Variants in DIS3L2 observed in about 807,000 individuals in gnomAD.
The protein encoded by DIS3L2 is DIS3 like 3'-5' exoribonuclease 2.
A neutral mutation model predicts 97.5 loss-of-function variants in DIS3L2; 34 were observed. That is an observed-to-expected ratio of 0.35 (90% CI 0.27 to 0.46). The LOEUF is 0.46. Ranked by LOEUF, DIS3L2 falls within the 20% of genes least tolerant of loss-of-function variation. The probability of loss-of-function intolerance (pLI) is 1.00; values close to 1 mark genes in which losing one functional copy is unlikely to be tolerated. For missense variants in DIS3L2, 1,038 were observed against 1,146.0 expected, an observed-to-expected ratio of 0.91 and a Z score of 1.36; for synonymous variants, 435 against 445.2, an observed-to-expected ratio of 0.98 and a Z score of 0.29.
chr2:232,055,986 A>G (rs912864893), intron 5 of DIS3L2, among the ~76,000 whole-genome samples: 3 of 152,206 alleles, frequency 2.0e-5, no homozygotes, highest in African/African-American at 7.2e-5. Flanking sequence ...TAAAATAACT[A>G]AATGTGAAAG....
At chr2:232,291,999 C>T (rs951141266) in intron 13 of DIS3L2, among the ~76,000 whole-genome samples, 35 of 152,148 alleles carry the variant, frequency 2.3e-4, no homozygotes, top group African/African-American at 8.4e-4. Context: ...GCATGACGTT[C>T]TCCAAGTATG....
chr2:232,312,885 A>T (rs1695173879), intron 14 of DIS3L2, among the ~76,000 whole-genome samples: 1 of 152,218 alleles, frequency 6.6e-6, no homozygotes. Context: ...CTTTGTTGCT[A>T]ATACAAGGAA....
At chr2:231,987,946 C>T (rs1693465172) in intron 1 of DIS3L2, among the ~76,000 whole-genome samples, 1 of 152,006 alleles carries the variant, frequency 6.6e-6, no homozygotes, top group Non-Finnish European at 1.5e-5. Flanking sequence ...TGGGTTCAAG[C>T]GATTCTCCTG....
chr2:232,228,666 C>A (rs1179082494), intron 10 of DIS3L2, among the ~76,000 whole-genome samples: 1 of 152,130 alleles, frequency 6.6e-6, no homozygotes, highest in Admixed American at 6.5e-5. Flanking sequence ...TCAGGCTGGC[C>A]AGTAGTGCTG....
At chr2:232,212,592 G>A (rs780044712) in intron 10 of DIS3L2, among the ~76,000 whole-genome samples, 6 of 152,150 alleles carry the variant, frequency 3.9e-5, no homozygotes, top group Non-Finnish European at 7.3e-5. Context: ...GGACAAACTC[G>A]GGACAAATTT....
At chr2:232,083,190 C>T (rs1696456958) in intron 5 of DIS3L2, among the ~76,000 whole-genome samples, 1 of 152,006 alleles carries the variant, frequency 6.6e-6, no homozygotes, top group South Asian at 2.1e-4. Context: ...CTTCTCTTCC[C>T]ATTCTCTTCT....
At chr2:232,295,483 C>T (rs912466117) in intron 13 of DIS3L2, among the ~76,000 whole-genome samples, 2 of 152,186 alleles carry the variant, frequency 1.3e-5, no homozygotes, top group Non-Finnish European at 2.9e-5. Flanking sequence ...ATCTCAGAGA[C>T]CTTGAATCTG....
intron 16 of DIS3L2, among the ~76,000 whole-genome samples, chr2:232,333,618 A>G (rs2106353104): frequency 6.6e-6 from 1 of 152,244 alleles, no homozygotes; most frequent in South Asian, 2.1e-4. Context: ...TGGAAAGGAC[A>G]TGGGTACCCC....
chr2:231,972,580 G>T (rs1692952387), intron 1 of DIS3L2, among the ~76,000 whole-genome samples: 1 of 152,172 alleles, frequency 6.6e-6, no homozygotes, highest in African/African-American at 2.4e-5. Flanking sequence ...ATCTTGCTCT[G>T]TCACCCAGGC....
chr2:232,245,058 A>T (rs1693211744), intron 11 of DIS3L2, among the ~76,000 whole-genome samples: 1 of 152,238 alleles, frequency 6.6e-6, no homozygotes, highest in South Asian at 2.1e-4. Context: ...CACACTGCAT[A>T]GCAAAGTTAA....
In DIS3L2 at chr2:232,293,431, G is replaced by A. The variant is rs1694650666; in HGVS notation, c.1660-6609G>A. Among the ~76,000 whole-genome samples, 1 of 152,200 alleles carries A rather than the reference G, an allele frequency of 6.6e-6. No individual in the cohort carries two copies. Among genetic ancestry groups the A allele is most frequent in the African/African-American group, 2.4e-5 (1 of 41,454 alleles). Reference sequence around the variant, plus strand: ...AAATACCTCTGGCATTCCAGCGAAGGGGAAAACAAAAGATCAGGGCCACTT... The same window carrying A: ...AAATACCTCTGGCATTCCAGCGAAGAGGAAAACAAAAGATCAGGGCCACTT... On this transcript the variant is annotated intron_variant, in intron 13 of 20. Coordinates refer to ENST00000325385, the MANE Select transcript of DIS3L2 (RefSeq NM_152383.5). The surrounding 1 kb of genome is among the most constrained non-coding windows in gnomAD (Gnocchi z 4.6).
chr2:232,205,018 C>T (rs1445252235), intron 9 of DIS3L2, among the ~76,000 whole-genome samples: 1 of 152,010 alleles, frequency 6.6e-6, no homozygotes, highest in Middle Eastern at 3.2e-3. Context: ...GAGTCTGCTG[C>T]TACAGTAGAA....
chr2:231,976,739 T>C (rs193216354), intron 1 of DIS3L2, among the ~76,000 whole-genome samples: 70 of 151,962 alleles, frequency 4.6e-4, no homozygotes, highest in African/African-American at 1.5e-3. Flanking sequence ...TAGCCTAAAG[T>C]TTGGCAAAAT....
At chr2:232,181,890 G>A (rs1373271021) in intron 9 of DIS3L2, among the ~76,000 whole-genome samples, 2 of 152,108 alleles carry the variant, frequency 1.3e-5, no homozygotes, top group Non-Finnish European at 2.9e-5. Context: ...GACCTCAGGT[G>A]ATCTGCCCAC....
At position 232,342,268 on chromosome 2, in the gene DIS3L2, T is replaced by C. The variant is rs757865307; in HGVS notation, c.1582-1077T>C. Among the ~76,000 whole-genome samples the C allele has an allele frequency of 1.9e-4, 29 of 151,668 alleles. No individual in the cohort carries two copies. The South Asian group carries it at 2.1e-3, about 11-fold the overall frequency. On this transcript the variant is annotated intron_variant, in intron 13 of 13. Coordinates refer to the DIS3L2 transcript ENST00000273009. The stretch of plus-strand genomic sequence containing the variant: ...ATATATACACATACACACATACACA[T>C]ATACATATATACACATATATGCATA...
At chr2:232,183,727 A>G (rs539419421) in intron 9 of DIS3L2, among the ~76,000 whole-genome samples, 1 of 152,352 alleles carries the variant, frequency 6.6e-6, no homozygotes, top group East Asian at 1.9e-4. Context: ...GCCATGTTAA[A>G]TAAATACTGC....
intron 5 of DIS3L2, among the ~76,000 whole-genome samples, chr2:232,077,961 CT>C (rs1559602125): frequency 4.1e-5 from 3 of 73,880 alleles, no homozygotes; most frequent in Admixed American, 4.0e-4. Context: ...CTTTCTCTTT[CT>C]TTCTTTCTTT....
chr2:232,329,785 T>TCCCGGGGGGGGGG, intron 14 of DIS3L2, 28 bp from the exon 15 acceptor site: 24 of 967,136 alleles, frequency 2.5e-5, no homozygotes, highest in Non-Finnish European at 3.2e-5. Flanking sequence ...ACCCCAGCGG[T>TCCCGGGGGGGGGG]CCCTCCCATC....
downstream of DIS3L2, chr2:232,339,840 T>C (rs1696066295): frequency 4.9e-6 from 2 of 408,716 alleles, no homozygotes; most frequent in African/African-American, 4.1e-5. Context: ...AGAGGAGGTC[T>C]CTTCTAGCCA....
Sources: allele counts gnomAD v4.1 joint callset (sites outside exome capture counted in the v4.1 genomes callset), GRCh38; gene constraint gnomAD v4.1.1; non-coding constraint Gnocchi (gnomAD v3.1); transcripts MANE v1.5; gene names NCBI Gene and HGNC (gene_info 2026-07-23, HGNC 2026-07-21).